The following CDAN1 variants were observed in gnomAD, a reference collection of about 807,000 sequenced individuals.
CDAN1 encodes the protein codanin 1, also known as codanin-1.
In CDAN1, 107 loss-of-function variants were observed where a neutral mutation model predicts 139.8. That is an observed-to-expected ratio of 0.77 (90% CI 0.65 to 0.90). CDAN1 has a LOEUF of 0.90. CDAN1 is among the 40% of genes least tolerant of loss of function. The probability of loss-of-function intolerance (pLI) is 0.00; values close to 1 mark genes in which losing one functional copy is unlikely to be tolerated. For synonymous variants in CDAN1, 776 were observed against 660.6 expected (o/e 1.17, Z -2.68); for missense variants, 1,667 against 1,575.7 (o/e 1.06, Z -0.98).
rs1246802016 is a variant in CDAN1 at position 42,735,507 on chromosome 15, C to T, written c.943+3G>A. The T allele has an allele frequency of 3.1e-6, 5 of 1,614,122 alleles. No individual in the cohort carries two copies. The Admixed American group carries it at 8.3e-5, about 27-fold the overall frequency. Reference sequence around the variant, plus strand: ...CACTCCCGCTCCCTCCGCTCTCACTCACCAGCAATGCACGAGGAGTAAACA... The same window carrying T: ...CACTCCCGCTCCCTCCGCTCTCACTTACCAGCAATGCACGAGGAGTAAACA... On this transcript the variant is annotated splice_donor_region_variant and intron_variant, in intron 4 of 27. Transcript: ENST00000356231.
Position 42,736,683 on chromosome 15 carries a change from C to T in CDAN1, c.188G>A (p.Arg63His), listed in dbSNP as rs772157159. 3.5e-5 allele frequency: 54 copies of T among 1,549,526 alleles called. No individual in the cohort carries two copies. In the African/African-American group the frequency reaches 7.1e-4, roughly 20 times the overall value. Residue 63 changes from arginine to histidine, a missense_variant, in exon 2 of 28, where the codon CGC becomes CAC. This residue lies in a region of CDAN1 where 487 missense variants were observed against 422.2 expected (regional missense o/e 1.15). Transcript: ENST00000356231. Reference protein sequence around the residue: ...LLNFLREQSSRVLPQGPPTPA... With the variant: ...LLNFLREQSSHVLPQGPPTPA... ...GGTCGGGGGCCCCTGCGGGAGGACGCGGCTGCTCTGCTCCCTCAGGAAGTT... is the reference window on the plus strand; with the variant it reads ...GGTCGGGGGCCCCTGCGGGAGGACGTGGCTGCTCTGCTCCCTCAGGAAGTT...
chr15:42,726,800 T>C (rs1259949030), intron 23 of CDAN1: 1 of 260,582 alleles, frequency 3.8e-6, no homozygotes, highest in Non-Finnish European at 7.4e-6. Context: ...TCTCTGTTCA[T>C]CTTCTCTGGA....
intron 15 of CDAN1, 41 bp from the exon 16 acceptor site, chr15:42,729,926 C>A: frequency 1.5e-6 from 2 of 1,302,634 alleles, no homozygotes; most frequent in East Asian, 5.6e-5. Flanking sequence ...TCAGAGACCC[C>A]CACCCAACCC....
At chr15:42,733,008 A>C in intron 9 of CDAN1, 89 bp downstream of exon 9, 2 of 1,030,810 alleles carry the variant, frequency 1.9e-6, no homozygotes, top group Non-Finnish European at 2.9e-6. Context: ...AGGAGCGGGG[A>C]AAACCTTCCC....
In CDAN1 at chr15:42,729,858, A is replaced by G. The variant is rs765161896; in HGVS notation, c.2290T>C (p.Phe764Leu). Reference sequence around the variant, plus strand: ...GCATATGAGGGACCCTCTTCCAGAAAGAACAAGTCCTCAGGGACTGTGGGA... The same window carrying G: ...GCATATGAGGGACCCTCTTCCAGAAGGAACAAGTCCTCAGGGACTGTGGGA... ...QIPTVPEDLF[F>L]LEEGPSYAFE... Residue 764 changes from phenylalanine to leucine, a missense_variant, in exon 16 of 28, where the codon TTT (phenylalanine) becomes CTT (leucine). Transcript: ENST00000356231. 32 of 1,613,686 alleles carry G rather than the reference A, an allele frequency of 2.0e-5. No individual in the cohort carries two copies. Among genetic ancestry groups the G allele is most frequent in the Non-Finnish European group, 2.5e-5 (29 of 1,179,924 alleles).
intron 27 of CDAN1, 94 bp from the exon 28 acceptor site, chr15:42,724,710 A>AT: frequency 6.8e-7 from 1 of 1,472,772 alleles, no homozygotes; most frequent in South Asian, 1.2e-5. Context: ...GGCTGGCTAT[A>AT]TTATTTTTTC....
chr15:42,729,506 G>T (rs2061580362), intron 17 of CDAN1, 62 bp downstream of exon 17: 5 of 1,607,604 alleles, frequency 3.1e-6, no homozygotes, highest in Non-Finnish European at 4.3e-6. Context: ...GGCCAAGGGG[G>T]TGCCTTTTGG....
intron 23 of CDAN1, among the ~76,000 whole-genome samples, 152 bp downstream of exon 23, chr15:42,727,468 AC>A (rs1322613059): frequency 6.6e-6 from 1 of 152,070 alleles, no homozygotes; most frequent in African/African-American, 2.4e-5. Context: ...GCCCTACCTA[AC>A]CCCCATTCAG....
At position 42,734,036 on chromosome 15, in the gene CDAN1, C is replaced by T. The variant is rs1452580494; in HGVS notation, c.1269G>A (p.Val423=). 1 of 1,613,536 alleles carries T rather than the reference C, an allele frequency of 6.2e-7. No individual in the cohort carries two copies. The highest frequency in any genetic ancestry group is 8.5e-7 in the Non-Finnish European group (1 of 1,179,546). Residue 423 remains valine (V), a synonymous_variant, in exon 8 of 28, where the codon GTG becomes GTA. Transcript: ENST00000356231. The part of the protein sequence containing the change: ...YEGSVAKVSL[V]MPPSTQAVSF... ...AGACAGCTTGAGTAGAGGGAGGCAT[C>T]ACCAGAGAGACCTAAAATACAGCAG... is the stretch of plus-strand genomic sequence containing the variant.
chr15:42,730,576 G>C, intron 14 of CDAN1, 22 bp downstream of exon 14: 1 of 1,613,632 alleles, frequency 6.2e-7, no homozygotes, highest in Non-Finnish European at 8.5e-7. Context: ...CTTTCATCAA[G>C]CCTCAGCCTT....
At chr15:42,728,617 G>A (rs367943698) in intron 20 of CDAN1, 35 bp downstream of exon 20, 1 of 1,612,884 alleles carries the variant, frequency 6.2e-7, no homozygotes, top group South Asian at 1.1e-5. Context: ...AGAAAGCCAA[G>A]AGGAGAGTGG....
Position 42,729,231 on chromosome 15 carries a change from G to A in CDAN1, c.2539C>T (p.Gln847Ter), listed in dbSNP as rs144546360. Residue 847 changes from glutamine to a stop codon, truncating the protein, a stop_gained and splice_region_variant, in exon 18 of 28, where the codon CAG (glutamine) becomes TAG (stop). Coordinates refer to ENST00000356231, the MANE Select transcript of CDAN1 (RefSeq NM_138477.4). LOFTEE classifies it high-confidence loss of function. ...AQPSQTSQGL[Q>*]AQLAQAFFHN... Reference sequence around the variant, plus strand: ...GGCTGTCTCCGCCCTGCCCTTACCTGCAGCCCCTGGCTGGTCTGGGAAGGC... The same window carrying A: ...GGCTGTCTCCGCCCTGCCCTTACCTACAGCCCCTGGCTGGTCTGGGAAGGC... The A allele has an allele frequency of 2.5e-6, 4 of 1,607,686 alleles. No individual in the cohort carries two copies. Among genetic ancestry groups the A allele is most frequent in the African/African-American group, 1.4e-5 (1 of 73,114 alleles).
chr15:42,734,217 G>A lies in CDAN1; in HGVS notation c.1257+9C>T. ...CCAGGCTAGTGGGCAACTAAGCTGG[G>A]GTTACTACCTTGGCAACACTGCCCT... On this transcript the variant is annotated intron_variant, in intron 7 of 27. Transcript: ENST00000356231. 6.2e-7 allele frequency: 1 copy of A among 1,614,110 alleles called. No individual in the cohort carries two copies. The highest frequency in any genetic ancestry group is 1.1e-5 in the South Asian group (1 of 91,068).
chr15:42,733,204 C>G lies in CDAN1; in HGVS notation c.1368-18G>C. ...ACACATCCCTGACGCATAAGAACGC[C>G]TGATCAGCCGAGGCACTCACTCCCA... On this transcript the variant is annotated intron_variant, in intron 8 of 27. Transcript: ENST00000356231. 1.2e-6 allele frequency: 2 copies of G among 1,611,168 alleles called. No individual in the cohort carries two copies. Among genetic ancestry groups the G allele is most frequent in the Non-Finnish European group, 1.7e-6 (2 of 1,177,344 alleles).
chr15:42,726,394 C>T lies in CDAN1; in HGVS notation c.3120G>A (p.Gly1040=), dbSNP rs765554263. The T allele has an allele frequency of 6.3e-7, 1 of 1,597,352 alleles. No individual in the cohort carries two copies. Among genetic ancestry groups the T allele is most frequent in the South Asian group, 1.1e-5 (1 of 88,144 alleles). The change falls in exon 24 of 28, where the codon GGG becomes GGA. Residue 1040 remains glycine, a synonymous_variant. Coordinates refer to ENST00000356231, the MANE Select transcript of CDAN1 (RefSeq NM_138477.4). ...AGACTCCCTCGTCAGGGTCCCGTGG[C>T]CCCACGGCCAAGGAGAGCACGTCCT... ...EIKDVLSLAV[G]PRDPDEGVSP...
intron 11 of CDAN1, 58 bp downstream of exon 11, chr15:42,731,562 G>A (rs1273609887): frequency 6.3e-7 from 1 of 1,582,318 alleles, no homozygotes; most frequent in Non-Finnish European, 8.7e-7. Flanking sequence ...TACCCTTTTG[G>A]GAAGCCAAAC....
intron 6 of CDAN1, 38 bp downstream of exon 6, chr15:42,735,062 G>A (rs1220269838): frequency 1.4e-6 from 2 of 1,447,150 alleles, no homozygotes; most frequent in Non-Finnish European, 1.9e-6. Flanking sequence ...AGCAGATGAT[G>A]AGAATGAGGC....
chr15:42,728,875 TG>T (rs1445984338), intron 19 of CDAN1, 65 bp from the exon 20 acceptor site: 1 of 1,609,342 alleles, frequency 6.2e-7, no homozygotes. Context: ...TGAAAATTTA[TG>T]GGAATTTGGT....
Position 42,731,067 on chromosome 15 carries a change from T to G in CDAN1, c.1865A>C (p.Glu622Ala). 1 of 1,614,194 alleles carries G rather than the reference T, an allele frequency of 6.2e-7. No homozygotes were observed. The highest frequency in any genetic ancestry group is 1.3e-5 in the African/African-American group (1 of 75,040). Residue 622 changes from glutamate (E) to alanine (A), a missense_variant, in exon 13 of 28, where the codon GAG becomes GCG. Coordinates refer to ENST00000356231, the MANE Select transcript of CDAN1 (RefSeq NM_138477.4). Reference sequence around the variant, plus strand: ...AAGCACCACAGCAAATTGCTTCCGCTCACCCTGCATGGAATCAAGGGAAGT... The same window carrying G: ...AAGCACCACAGCAAATTGCTTCCGCGCACCCTGCATGGAATCAAGGGAAGT... ...DGESDVDWQG[E>A]RKQFAVVLLS... is the part of the protein sequence containing the mutation.
Sources: allele counts gnomAD v4.1 joint callset (sites outside exome capture counted in the v4.1 genomes callset), GRCh38; gene constraint gnomAD v4.1.1; regional missense constraint gnomAD v4.1.1; transcripts MANE v1.5; gene names NCBI Gene and HGNC (gene_info 2026-07-23, HGNC 2026-07-21).